Variants in TCERG1 observed in about 807,000 individuals in gnomAD.
TCERG1 encodes transcription elongation regulator 1, also known as TATA box binding protein (TBP)-associated factor, RNA polymerase II, S, 150kD.
TCERG1 carries 37 observed loss-of-function variants against 144.7 expected under a neutral mutation model. That is an observed-to-expected ratio of 0.26 (90% CI 0.20 to 0.34). The LOEUF (loss-of-function observed/expected upper bound fraction) is 0.34, where lower values mean the gene tolerates loss of function less well. Ranked by LOEUF, TCERG1 falls within the 10% of genes least tolerant of loss-of-function variation. TCERG1 has a pLI of 1.00. For missense variants in TCERG1, 1,027 were observed against 1,380.7 expected, an observed-to-expected ratio of 0.74 and a Z score of 4.06; for synonymous variants, 492 against 458.2, an observed-to-expected ratio of 1.07 and a Z score of -0.94.
intron 9 of TCERG1, among the ~76,000 whole-genome samples, chr5:146,477,692 CTTTTTTTT>C (rs1168989847): frequency 1.3e-5 from 1 of 79,388 alleles, no homozygotes; most frequent in African/African-American, 5.1e-5. Flanking sequence ...TGGTACTTTA[CTTTTTTTT>C]TTTTTTTTTT....
chr5:146,504,056 A>G, intron 19 of TCERG1, 50 bp downstream of exon 19: 20 of 1,376,978 alleles, frequency 1.5e-5, no homozygotes, highest in Non-Finnish European at 1.9e-5. Flanking sequence ...GATATTGGAA[A>G]TTTATTATGT....
chr5:146,471,473 TATC>T lies in TCERG1; in HGVS notation c.1513-12_1513-10del, dbSNP rs1764290609. On this transcript the variant is annotated splice_polypyrimidine_tract_variant and intron_variant, in intron 8 of 22. Transcript: ENST00000679501. ...GTTAATGTGATACTAATTAGAGTAA[TATC>T]ATTTCTTGTAGGAGCCCAAAGAAGA... 4 of 1,607,524 alleles carry T rather than the reference TATC, an allele frequency of 2.5e-6. No individual in the cohort carries two copies. Among genetic ancestry groups the T allele is most frequent in the Non-Finnish European group, 3.4e-6 (4 of 1,177,244 alleles).
chr5:146,497,067 C>T (rs1047189125), intron 16 of TCERG1, among the ~76,000 whole-genome samples: 4 of 151,950 alleles, frequency 2.6e-5, no homozygotes, highest in African/African-American at 7.3e-5. Flanking sequence ...GACAGGGTTA[C>T]ACCTTGTTGG....
In TCERG1 at chr5:146,478,720, G is replaced by A. The variant is rs1303663556; in HGVS notation, c.1762+67G>A. On this transcript the variant is annotated intron_variant, in intron 10 of 22. Transcript: ENST00000679501. ...CTTTTCATATTTTGATAGAAAATGT[G>A]GAAGGCATTTAGAAACCCTTTATTT... 9 of 1,431,148 alleles carry A rather than the reference G, an allele frequency of 6.3e-6. No homozygotes were observed. In the African/African-American group the frequency reaches 1.0e-4, roughly 16 times the overall value. 88.7% of individuals were successfully genotyped at this position (1,431,148 alleles called of 1,614,324 possible). A position where few individuals can be genotyped will look rare whatever the true frequency, so the allele number is the denominator to read the frequency against.
intron 17 of TCERG1, among the ~76,000 whole-genome samples, chr5:146,501,172 TAC>T (rs1767405258): frequency 1.3e-5 from 2 of 152,210 alleles, no homozygotes; most frequent in African/African-American, 4.8e-5. Context: ...TTGGAGTTAA[TAC>T]ACTGTTACAA....
At position 146,463,651 on chromosome 5, in the gene TCERG1, C is replaced by A; in HGVS notation, c.993C>A (p.Thr331=). ...TPAPTATPVQ[T]VPQPHPQTLP... ...CTCCTACAGCCACACCTGTGCAAAC[C>A]GTTCCCCAGCCGCACCCTCAGACGT... is the stretch of plus-strand genomic sequence containing the variant. Residue 331 remains threonine, a synonymous_variant, in exon 5 of 23, where the codon ACC becomes ACA. Coordinates refer to ENST00000679501, the MANE Select transcript of TCERG1 (RefSeq NM_001382548.1). 3 of 1,614,172 alleles carry A rather than the reference C, an allele frequency of 1.9e-6. No homozygotes were observed. Among genetic ancestry groups the A allele is most frequent in the Non-Finnish European group, 2.5e-6 (3 of 1,180,036 alleles).
intron 16 of TCERG1, among the ~76,000 whole-genome samples, chr5:146,495,804 C>A (rs1292101610): frequency 6.6e-6 from 1 of 152,102 alleles, no homozygotes; most frequent in African/African-American, 2.4e-5. Flanking sequence ...TTTAAGTGGG[C>A]TAATCTTTAT....
intron 19 of TCERG1, 39 bp downstream of exon 19, chr5:146,504,045 G>T: frequency 3.6e-6 from 5 of 1,406,798 alleles, no homozygotes; most frequent in South Asian, 1.9e-5. Flanking sequence ...CTAAAGTACT[G>T]GATATTGGAA....
Position 146,498,610 on chromosome 5 carries a change from G to A in TCERG1, c.2357G>A (p.Arg786Gln). The A allele has an allele frequency of 1.9e-6, 3 of 1,612,328 alleles. No individual in the cohort carries two copies. The highest frequency in any genetic ancestry group is 2.5e-6 in the Non-Finnish European group (3 of 1,179,190). Reference protein sequence around the residue: ...RFKAIEKMKDREALFNEFVAA... With the variant: ...RFKAIEKMKDQEALFNEFVAA... ...AAAGCAATTGAAAAGATGAAAGACCGAGAAGCCTTGTTTAATGAGTTTGTG... is the reference window on the plus strand; with the variant it reads ...AAAGCAATTGAAAAGATGAAAGACCAAGAAGCCTTGTTTAATGAGTTTGTG... The change falls in exon 17 of 23, where the codon CGA becomes CAA. Residue 786 changes from arginine (R) to glutamine (Q), a missense_variant. Arg to Gln is a conservative substitution (Grantham distance 43). Around this residue, in one of 6 missense-constraint regions of TCERG1, gnomAD observed 482 missense variants for 632.6 expected, o/e 0.76. Coordinates refer to ENST00000679501, the MANE Select transcript of TCERG1 (RefSeq NM_001382548.1).
chr5:146,455,589 TGAAATTTTAA>T (rs1287542494), intron 2 of TCERG1, among the ~76,000 whole-genome samples: 2 of 152,232 alleles, frequency 1.3e-5, no homozygotes, highest in Non-Finnish European at 2.9e-5. Context: ...AAATGAAGTT[TGAAATTTTAA>T]GATATTTTTG....
chr5:146,471,723 C>T (rs954829441), intron 9 of TCERG1, 147 bp downstream of exon 9: 55 of 543,734 alleles, frequency 1.0e-4, no homozygotes, highest in Non-Finnish European at 1.5e-4. Context: ...CTCAGCTTCC[C>T]GAATAGCTGG....
intron 9 of TCERG1, among the ~76,000 whole-genome samples, chr5:146,478,082 TTGTTAAGAAA>T (rs1216735635): frequency 6.6e-6 from 1 of 152,184 alleles, no homozygotes; most frequent in Non-Finnish European, 1.5e-5. Context: ...TAGTTTTGGT[TTGTTAAGAAA>T]TATTAAGAAC....
intron 17 of TCERG1, among the ~76,000 whole-genome samples, chr5:146,502,772 G>A (rs1767606096): frequency 6.6e-6 from 1 of 152,216 alleles, no homozygotes. Context: ...TAGAAATTCT[G>A]TAACTTTCTC....
intron 17 of TCERG1, among the ~76,000 whole-genome samples, chr5:146,502,698 T>C (rs1767594174): frequency 6.6e-6 from 1 of 152,214 alleles, no homozygotes; most frequent in South Asian, 2.1e-4. Context: ...ATTACATACA[T>C]GTTTAATGCT....
rs1407551244 is a variant in TCERG1 at position 146,447,430 on chromosome 5, C to A, written c.59+22C>A. 5 of 1,607,074 alleles carry A rather than the reference C, an allele frequency of 3.1e-6. 1 individual carries two copies. In the South Asian group the frequency reaches 5.6e-5, roughly 18 times the overall value. ...TCAGGTAAGGAACGCTGCCCTCCTT[C>A]ACATCTCTGCTCACGAGAGCCCCAG... On this transcript the variant is annotated intron_variant, in intron 1 of 22. Transcript: ENST00000679501.
chr5:146,478,742 A>G (rs1765072984), intron 10 of TCERG1, 89 bp downstream of exon 10: 2 of 1,337,058 alleles, frequency 1.5e-6, no homozygotes, highest in South Asian at 1.7e-5. Flanking sequence ...GAAACCCTTT[A>G]TTTTTCAAAG....
chr5:146,502,732 C>T (rs991477539), intron 17 of TCERG1, among the ~76,000 whole-genome samples: 3 of 152,068 alleles, frequency 2.0e-5, no homozygotes, highest in African/African-American at 7.2e-5. Flanking sequence ...GATCTGAATG[C>T]AATTTTTTAG....
chr5:146,510,444 C>A lies in TCERG1; in HGVS notation c.3150C>A (p.Ser1050=). 3 of 1,610,642 alleles carry A rather than the reference C, an allele frequency of 1.9e-6. No homozygotes were observed. Among genetic ancestry groups the A allele is most frequent in the Non-Finnish European group, 2.5e-6 (3 of 1,177,712 alleles). Residue 1050 remains serine, a synonymous_variant, in exon 23 of 23, where the codon TCC becomes TCA. Transcript: ENST00000679501. The stretch of plus-strand genomic sequence containing the variant: ...GGACTTCTTTTTCTTATTTCAGATC[C>A]AAAAAATTAATCCAAGAATCAGATC... The part of the protein sequence containing the change: ...LKETKFITYR[S]KKLIQESDQH...
intron 1 of TCERG1, among the ~76,000 whole-genome samples, chr5:146,454,622 GAGCCTTGC>G (rs914847968): frequency 1.5e-4 from 23 of 151,788 alleles, no homozygotes; most frequent in Non-Finnish European, 2.9e-4. Context: ...TTTTGAGATG[GAGCCTTGC>G]TCTGTTGCCC....
Sources: gnomAD v4.1 joint callset for allele counts (sites outside exome capture counted in the v4.1 genomes callset) on GRCh38, gnomAD v4.1.1 for gene constraint, gnomAD v4.1.1 regional missense constraint, MANE v1.5 for transcripts, NCBI Gene and HGNC (gene_info 2026-07-23, HGNC 2026-07-21) for gene names.